The following POLR1G variants were observed in gnomAD, a reference collection of about 807,000 sequenced individuals.
The protein encoded by POLR1G is RNA polymerase I subunit G.
POLR1G carries 9 observed loss-of-function variants against 6.3 expected under a neutral mutation model. The observed-to-expected ratio is 1.44, with a 90% confidence interval of 0.87 to 2.51. The LOEUF (loss-of-function observed/expected upper bound fraction) is 2.51. Ranked by LOEUF, POLR1G falls within the 30% of genes most tolerant of loss-of-function variation. POLR1G has a pLI of 0.00. For synonymous variants in POLR1G, 248 were observed against 256.5 expected, an observed-to-expected ratio of 0.97 and a Z score of 0.32; for missense variants, 617 against 632.5, an observed-to-expected ratio of 0.98 and a Z score of 0.26.
chr19:45,409,241 A>G lies in POLR1G; in HGVS notation c.1273A>G (p.Lys425Glu). The part of the protein sequence containing the change: ...QAAPTSTKKK[K>E]KKKERGHTVT... ...AGCTCCCACATCCACCAAGAAGAAGAAGAAGAAGAAAGAGAGAGGTCACAC... is the reference window on the plus strand; with the variant it reads ...AGCTCCCACATCCACCAAGAAGAAGGAGAAGAAGAAAGAGAGAGGTCACAC... The change falls in exon 3 of 3, where the codon AAG becomes GAG. Residue 425 changes from lysine to glutamate, a missense_variant. Transcript: ENST00000309424. 6.2e-7 allele frequency: 1 copy of G among 1,613,682 alleles called. No individual in the cohort carries two copies. The highest frequency in any genetic ancestry group is 8.5e-7 in the Non-Finnish European group (1 of 1,179,732).
rs1386871898 is a variant in POLR1G, at chr19:45,410,196, ATTTT to A, written c.*699_*702del. On this transcript the variant is annotated 3_prime_UTR_variant, in exon 3 of 3. Coordinates refer to ENST00000309424, the MANE Select transcript of POLR1G (RefSeq NM_012099.3). Reference sequence around the variant, plus strand: ...CACTGCGCCTGGCTAAGTTATTATTATTTTTTTGAGACAGTCTCCTGGTGTCACC... The same window carrying A: ...CACTGCGCCTGGCTAAGTTATTATTATTTGAGACAGTCTCCTGGTGTCACC... 7.1e-6 allele frequency: 1 copy of A among 140,262 alleles called. No individual in the cohort carries two copies. Among genetic ancestry groups the A allele is most frequent in the East Asian group, 2.2e-4 (1 of 4,632 alleles). 8.7% of individuals were successfully genotyped at this position (140,262 alleles called of 1,614,324 possible).
In POLR1G at chr19:45,409,877, GTTATTATTA is replaced by G. The variant is rs1243917856; in HGVS notation, c.*388_*396del. The stretch of plus-strand genomic sequence containing the variant: ...AACAATCCAGTTACAATCTTTTTAA[GTTATTATTA>G]TTATTATTATTTTTTTTTTTTTTGA... On this transcript the variant is annotated 3_prime_UTR_variant, in exon 3 of 3. Coordinates refer to ENST00000309424, the MANE Select transcript of POLR1G (RefSeq NM_012099.3). 3.9e-6 allele frequency: 1 copy of G among 255,632 alleles called. No homozygotes were observed. Among genetic ancestry groups the G allele is most frequent in the Non-Finnish European group, 6.9e-6 (1 of 145,422 alleles). The allele number at this position is 255,632 out of a possible 1,614,324, so 15.8% of individuals were successfully genotyped here. A position where few individuals can be genotyped will look rare whatever the true frequency, so the allele number is the denominator to read the frequency against.
chr19:45,409,576 G>C lies in POLR1G; in HGVS notation c.*75G>C. 6.3e-7 allele frequency: 1 copy of C among 1,575,064 alleles called. No homozygotes were observed. The highest frequency in any genetic ancestry group is 2.3e-5 in the East Asian group (1 of 43,200). On this transcript the variant is annotated 3_prime_UTR_variant, in exon 3 of 3. Transcript: ENST00000309424. ...GGGCCACCAGAAGGTGACACCCCCA[G>C]AATCCCTCCCCAGAGACTGCACCAG...
chr19:45,408,411 G>T lies in POLR1G; in HGVS notation c.443G>T (p.Arg148Leu). The change falls in exon 3 of 3, where the codon CGG becomes CTG. Residue 148 changes from arginine (R) to leucine (L), a missense_variant. By Grantham distance (102) the Arg-to-Leu change is moderately radical. Coordinates refer to ENST00000309424, the MANE Select transcript of POLR1G (RefSeq NM_012099.3). ...CAGATCCCTCCTGGCCTGAGGCCTCGGTTCTGTGCCTTTGGGGGCAACCCA... is the reference window on the plus strand; with the variant it reads ...CAGATCCCTCCTGGCCTGAGGCCTCTGTTCTGTGCCTTTGGGGGCAACCCA... ...PPQIPPGLRP[R>L]FCAFGGNPPV... 6.2e-7 allele frequency: 1 copy of T among 1,613,466 alleles called. No homozygotes were observed. Among genetic ancestry groups the T allele is most frequent in the African/African-American group, 1.3e-5 (1 of 75,062 alleles).
rs144685828 is a variant in POLR1G at position 45,407,103 on chromosome 19, G to A, written c.32G>A (p.Arg11Gln). The A allele has an allele frequency of 7.5e-6, 12 of 1,592,752 alleles. No homozygotes were observed. In the African/African-American group the frequency reaches 1.5e-4, roughly 20 times the overall value. The change falls in exon 2 of 3, where the codon CGG (arginine) becomes CAG (glutamine). Residue 11 changes from arginine (R) to glutamine (Q), a missense_variant. Arg to Gln is a conservative substitution (Grantham distance 43). Coordinates refer to ENST00000309424, the MANE Select transcript of POLR1G (RefSeq NM_012099.3). ...TCCCCTTCTGCTGCAGATGCTGCTC[G>A]GTTCTCTTGTCCCCCCAACTTTACC... Reference protein sequence around the residue: MEEPQAGDAARFSCPPNFTAK... With the variant: MEEPQAGDAAQFSCPPNFTAK...
rs1973483977 is a variant in POLR1G, at chr19:45,408,473, C to A, written c.505C>A (p.Leu169Met). Residue 169 changes from leucine (L) to methionine (M), a missense_variant, in exon 3 of 3, where the codon CTG becomes ATG. Transcript: ENST00000309424. The stretch of plus-strand genomic sequence containing the variant: ...GCCTAGGTCAGCCTTGGCCCCCAAC[C>A]TGCTCACCTCAGGGAAGAAGAAAAA... ...TGPRSALAPN[L>M]LTSGKKKKEM... The A allele has an allele frequency of 6.2e-7, 1 of 1,613,988 alleles. No individual in the cohort carries two copies. The highest frequency in any genetic ancestry group is 8.5e-7 in the Non-Finnish European group (1 of 1,179,956).
At position 45,410,010 on chromosome 19, in the gene POLR1G, G is replaced by C. The variant is rs1973613144; in HGVS notation, c.*509G>C. The C allele has an allele frequency of 6.0e-6, 1 of 166,330 alleles. No homozygotes were observed. The highest frequency in any genetic ancestry group is 1.2e-5 in the Non-Finnish European group (1 of 80,234). 10.3% of individuals were successfully genotyped at this position (166,330 alleles called of 1,614,324 possible). ...GGGTTCACGCCATTCTCCTGCCTCA[G>C]CCTCCTGAGTAGCTGGGACTACAGG... On this transcript the variant is annotated 3_prime_UTR_variant, in exon 3 of 3. Coordinates refer to ENST00000309424, the MANE Select transcript of POLR1G (RefSeq NM_012099.3).
rs1399448882 is a variant in POLR1G, at chr19:45,407,249, T to C, written c.164+14T>C. On this transcript the variant is annotated intron_variant, in intron 2 of 2. Coordinates refer to ENST00000309424, the MANE Select transcript of POLR1G (RefSeq NM_012099.3). ...TGCCCCAGAATGGTGAGTGGTCTTG[T>C]TGACGGAAAAGAGGGTCCCGGTCCA... The C allele has an allele frequency of 1.2e-6, 2 of 1,609,018 alleles. No homozygotes were observed. The highest frequency in any genetic ancestry group is 2.7e-5 in the African/African-American group (2 of 74,610).
chr19:45,409,374 A>G lies in POLR1G; in HGVS notation c.1406A>G (p.Glu469Gly), dbSNP rs1192343391. The part of the protein sequence containing the change: ...STKKRKKQSQ[E>G]SRMPETVPQE... ...AAGAAGAGGAAGAAGCAGAGTCAGG[A>G]AAGCCGGATGCCAGAGACAGTGCCC... Residue 469 changes from glutamate (E) to glycine (G), a missense_variant, in exon 3 of 3, where the codon GAA becomes GGA. Physicochemically the swap from Glu to Gly is moderately conservative, Grantham distance 98. Coordinates refer to ENST00000309424, the MANE Select transcript of POLR1G (RefSeq NM_012099.3). 5 of 1,613,990 alleles carry G rather than the reference A, an allele frequency of 3.1e-6. No homozygotes were observed. Among genetic ancestry groups the G allele is most frequent in the African/African-American group, 1.3e-5 (1 of 74,914 alleles).
Position 45,408,734 on chromosome 19 carries a change from C to T in POLR1G, c.766C>T (p.Pro256Ser). 1.9e-6 allele frequency: 3 copies of T among 1,613,792 alleles called. No homozygotes were observed. In the Middle Eastern group the frequency reaches 4.9e-4, roughly 266 times the overall value. ...FPSTTKKRKKPKGKETFEPED... is the reference protein window; with the variant it reads ...FPSTTKKRKKSKGKETFEPED... ...GTCCACCACCAAGAAGAGGAAGAAG[C>T]CCAAAGGGAAAGAAACCTTCGAGCC... The change falls in exon 3 of 3, where the codon CCC becomes TCC. Residue 256 changes from proline (P) to serine (S), a missense_variant. Coordinates refer to ENST00000309424, the MANE Select transcript of POLR1G (RefSeq NM_012099.3).
Position 45,409,307 on chromosome 19 carries a change from G to A in POLR1G, c.1339G>A (p.Gly447Arg). 1 of 1,614,104 alleles carries A rather than the reference G, an allele frequency of 6.2e-7. No homozygotes were observed. Among genetic ancestry groups the A allele is most frequent in the Non-Finnish European group, 8.5e-7 (1 of 1,180,016 alleles). Residue 447 changes from glycine (G) to arginine (R), a missense_variant, in exon 3 of 3, where the codon GGG (glycine) becomes AGG (arginine). By Grantham distance (125) the Gly-to-Arg change is moderately radical (BLOSUM62 -2). Coordinates refer to ENST00000309424, the MANE Select transcript of POLR1G (RefSeq NM_012099.3). The part of the protein sequence containing the change: ...PIQPLEPELP[G>R]EGQPEARATP... ...TCAGCCACTAGAGCCTGAACTGCCA[G>A]GGGAGGGACAGCCTGAAGCCAGGGC...
intron 2 of POLR1G, chr19:45,407,826 C>G (rs984535155): frequency 3.6e-6 from 1 of 276,006 alleles, no homozygotes; most frequent in Non-Finnish European, 6.8e-6. Context: ...GAGGCCGAGG[C>G]GAGCAGATCA....
rs779956242 is a variant in POLR1G at position 45,408,553 on chromosome 19, G to A, written c.585G>A (p.Gly195=). 2 of 1,613,892 alleles carry A rather than the reference G, an allele frequency of 1.2e-6. No homozygotes were observed. Among genetic ancestry groups the A allele is most frequent in the African/African-American group, 1.3e-5 (1 of 74,924 alleles). The change falls in exon 3 of 3, where the codon GGG becomes GGA. Residue 195 remains glycine, a synonymous_variant. Transcript: ENST00000309424. ...CTCAGGAGGCAGTGAATGGGCACGG[G>A]GCCCTGGAGGTGGACATGGCTTTGG... is the stretch of plus-strand genomic sequence containing the variant. The part of the protein sequence containing the change: ...PVTQEAVNGH[G]ALEVDMALGS...
At position 45,406,868 on chromosome 19, in the gene POLR1G, A is replaced by G. The variant is rs981497557; in HGVS notation, c.22+150A>G. ...AGTGGGCGAACGGGAATTCGAACGG[A>G]GAGAGGGTTATCTTGTGGGGGGCTA... On this transcript the variant is annotated intron_variant, in intron 1 of 2. Coordinates refer to ENST00000309424, the MANE Select transcript of POLR1G (RefSeq NM_012099.3). The surrounding 1 kb of genome is among the most constrained non-coding windows in gnomAD (Gnocchi z 4.2). The G allele has an allele frequency of 1.1e-5, 11 of 982,768 alleles. No homozygotes were observed. The highest frequency in any genetic ancestry group is 1.6e-5 in the Non-Finnish European group (11 of 689,568). The allele number at this position is 982,768 out of a possible 1,614,324, so 60.9% of individuals were successfully genotyped here.
In POLR1G at chr19:45,409,864, A is replaced by C; in HGVS notation, c.*363A>C. On this transcript the variant is annotated 3_prime_UTR_variant, in exon 3 of 3. Transcript: ENST00000309424. ...CCATTGAGTTACAAACAATCCAGTTACAATCTTTTTAAGTTATTATTATTA... is the reference window on the plus strand; with the variant it reads ...CCATTGAGTTACAAACAATCCAGTTCCAATCTTTTTAAGTTATTATTATTA... The C allele has an allele frequency of 1.9e-6, 1 of 528,238 alleles. No homozygotes were observed. Among genetic ancestry groups the C allele is most frequent in the Non-Finnish European group, 3.4e-6 (1 of 293,004 alleles). The allele number at this position is 528,238 out of a possible 1,614,324, so 32.7% of individuals were successfully genotyped here. A position where few individuals can be genotyped will look rare whatever the true frequency, so the allele number is the denominator to read the frequency against.
chr19:45,407,533 G>T, intron 2 of POLR1G: 1 of 365,836 alleles, frequency 2.7e-6, no homozygotes, highest in Non-Finnish European at 4.9e-6. Context: ...CATTAATCCT[G>T]CAACCTAAGC....
chr19:45,407,978 C>T (rs889903027), intron 2 of POLR1G, 155 bp from the exon 3 acceptor site: 2 of 982,228 alleles, frequency 2.0e-6, no homozygotes, highest in East Asian at 2.6e-5. Flanking sequence ...CGCTTGAACC[C>T]AGGAGGTGGA....
At chr19:45,408,037 G>A in intron 2 of POLR1G, 96 bp from the exon 3 acceptor site, 5 of 1,433,188 alleles carry the variant, frequency 3.5e-6, no homozygotes, top group Non-Finnish European at 3.7e-6. Context: ...CTAGGCAACA[G>A]AGCAAGACTC....
chr19:45,408,116 C>T lies in POLR1G; in HGVS notation c.165-17C>T. On this transcript the variant is annotated splice_polypyrimidine_tract_variant and intron_variant, in intron 2 of 2. Coordinates refer to ENST00000309424, the MANE Select transcript of POLR1G (RefSeq NM_012099.3). ...CTGTTCCACTTAAGCCTCTGCCCTC[C>T]CTGTTTCTCTCTGTAGCTTCAATGG... 1.3e-6 allele frequency: 2 copies of T among 1,577,672 alleles called. No homozygotes were observed. The highest frequency in any genetic ancestry group is 8.6e-7 in the Non-Finnish European group (1 of 1,158,032).
Sources: gnomAD v4.1 joint callset for allele counts on GRCh38, gnomAD v4.1.1 for gene constraint, Gnocchi (gnomAD v3.1) non-coding constraint, MANE v1.5 for transcripts, NCBI Gene and HGNC (gene_info 2026-07-23, HGNC 2026-07-21) for gene names.